Variants in PXDNL observed in about 807,000 individuals in gnomAD.
PXDNL encodes probable oxidoreductase PXDNL.
A neutral mutation model predicts 150.8 loss-of-function variants in PXDNL; 145 were observed. That is an observed-to-expected ratio of 0.96 (90% CI 0.84 to 1.10). The LOEUF (loss-of-function observed/expected upper bound fraction) is 1.10. Among genes scored for constraint, PXDNL ranks in the 50% least tolerant of loss-of-function variants. The pLI is 0.00. For synonymous variants in PXDNL, 757 were observed against 725.7 expected (o/e 1.04, Z -0.69); for missense variants, 2,087 against 1,873.9 (o/e 1.11, Z -2.10).
At chr8:51,354,677 A>G (rs1328240799) in intron 19 of PXDNL, among the ~76,000 whole-genome samples, 1 of 152,094 alleles carries the variant, frequency 6.6e-6, no homozygotes, top group East Asian at 1.9e-4. Flanking sequence ...TAGTATTAAG[A>G]AACCATTTTC....
intron 1 of PXDNL, among the ~76,000 whole-genome samples, chr8:51,790,500 C>A (rs1255104758): frequency 1.3e-5 from 2 of 152,186 alleles, no homozygotes; most frequent in Non-Finnish European, 2.9e-5. Flanking sequence ...AAGACGAGGT[C>A]CTGAGTTGCA....
intron 1 of PXDNL, among the ~76,000 whole-genome samples, chr8:51,726,832 A>G (rs1163846692): frequency 1.3e-5 from 2 of 152,218 alleles, no homozygotes; most frequent in Non-Finnish European, 2.9e-5. Context: ...GTTTAATTTC[A>G]TTTATCACCA....
chr8:51,764,379 G>GTT (rs56742838), intron 1 of PXDNL, among the ~76,000 whole-genome samples: 7,410 of 129,108 alleles, frequency 0.057, 258 homozygotes, highest in Middle Eastern at 0.13. Context: ...TCTTTTTCTA[G>GTT]TTTTTTTTTT....
intron 12 of PXDNL, among the ~76,000 whole-genome samples, chr8:51,434,756 T>A (rs1809349198): frequency 6.6e-6 from 1 of 152,158 alleles, no homozygotes; most frequent in South Asian, 2.1e-4. Context: ...TCATGAGCAT[T>A]TATTAGATGA....
intron 1 of PXDNL, among the ~76,000 whole-genome samples, chr8:51,658,106 G>A (rs1439717964): frequency 6.6e-6 from 1 of 152,074 alleles, no homozygotes; most frequent in Non-Finnish European, 1.5e-5. Context: ...CACTTTGGGA[G>A]GCTGAGGCAG....
In PXDNL at chr8:51,559,330, ACCCCC is replaced by A. The variant is rs59230172; in HGVS notation, c.309-2424_309-2420del. Among the ~76,000 whole-genome samples the A allele has an allele frequency of 1.0e-3, 99 of 98,146 alleles. 1 individual carries two copies. Among genetic ancestry groups the A allele is most frequent in the African/African-American group, 2.8e-3 (95 of 34,428 alleles). The allele number at this position is 98,146 out of a possible 152,430, so 64.4% of individuals were successfully genotyped here. On this transcript the variant is annotated intron_variant, in intron 3 of 22. Coordinates refer to ENST00000356297, the MANE Select transcript of PXDNL (RefSeq NM_144651.5). ...TTTGGCTTATTTTTGTTTCTTCCAAACCCCCCCCCCCCCCGCCACCTTCTTTCCTG... is the reference window on the plus strand; with the variant it reads ...TTTGGCTTATTTTTGTTTCTTCCAAACCCCCCCCCGCCACCTTCTTTCCTG...
chr8:51,779,739 G>A (rs2129248225), intron 1 of PXDNL, among the ~76,000 whole-genome samples: 1 of 152,354 alleles, frequency 6.6e-6, no homozygotes, highest in East Asian at 1.9e-4. Context: ...ATAGTTGGCT[G>A]TCTTCATCCC....
At chr8:51,671,522 A>T (rs1434298952) in intron 1 of PXDNL, among the ~76,000 whole-genome samples, 3 of 152,218 alleles carry the variant, frequency 2.0e-5, no homozygotes, top group African/African-American at 7.2e-5. Context: ...AAAATTAAAC[A>T]TTCTACCACC....
chr8:51,662,595 A>C (rs1815299813), intron 1 of PXDNL, among the ~76,000 whole-genome samples: 2 of 152,248 alleles, frequency 1.3e-5, no homozygotes, highest in South Asian at 4.1e-4. Flanking sequence ...AACTATTTGC[A>C]CAGCACTTAC....
rs1231105861 is a variant in PXDNL, at chr8:51,374,601, C to G, written c.3688G>C (p.Asp1230His). Reference sequence around the variant, plus strand: ...GTATAACAGATAATCATTCACCTATCTCCATCTCTTAGCCGCTGAAACTGG... The same window carrying G: ...GTATAACAGATAATCATTCACCTATGTCCATCTCTTAGCCGCTGAAACTGG... ...VTQFQRLRDG[D>H]RFWYENPGVF... is the part of the protein sequence containing the mutation. Residue 1230 changes from aspartate to histidine, a missense_variant, in exon 18 of 23, where the codon GAT becomes CAT. Asp to His is a moderately conservative substitution (Grantham distance 81). Coordinates refer to ENST00000356297, the MANE Select transcript of PXDNL (RefSeq NM_144651.5). 6.2e-7 allele frequency: 1 copy of G among 1,613,906 alleles called. No homozygotes were observed. Among genetic ancestry groups the G allele is most frequent in the Non-Finnish European group, 8.5e-7 (1 of 1,179,858 alleles).
intron 9 of PXDNL, among the ~76,000 whole-genome samples, chr8:51,455,022 T>C (rs1322408105): frequency 8.7e-6 from 1 of 115,386 alleles, no homozygotes; most frequent in Non-Finnish European, 1.7e-5. Flanking sequence ...GGCAGGAGAA[T>C]GGCGTGAACC....
intron 2 of PXDNL, among the ~76,000 whole-genome samples, chr8:51,638,509 T>C (rs1814659787): frequency 6.6e-6 from 1 of 152,060 alleles, no homozygotes; most frequent in South Asian, 2.1e-4. Flanking sequence ...GAGGAAGATC[T>C]ACCAAGCAAA....
In PXDNL at chr8:51,408,372, C is replaced by A; in HGVS notation, c.3252G>T (p.Ala1084=). The change falls in exon 17 of 23, where the codon GCG becomes GCT. Residue 1084 remains alanine, a synonymous_variant. Transcript: ENST00000356297. ...TGATTATTCTGGACGGTGAAAAGAG[C>A]GCTTTATGGAACGGAAGGTGGCCTT... is the stretch of plus-strand genomic sequence containing the variant. ...ISEGHLPFHK[A]LFSPSRIIKE... 1 of 1,614,002 alleles carries A rather than the reference C, an allele frequency of 6.2e-7. No homozygotes were observed. Among genetic ancestry groups the A allele is most frequent in the Non-Finnish European group, 8.5e-7 (1 of 1,179,892 alleles).
chr8:51,797,053 G>A (rs947787865), intron 1 of PXDNL, among the ~76,000 whole-genome samples: 1 of 152,062 alleles, frequency 6.6e-6, no homozygotes, highest in African/African-American at 2.4e-5. Flanking sequence ...CATCACATAA[G>A]CAGAACTAAA....
intron 14 of PXDNL, among the ~76,000 whole-genome samples, chr8:51,416,359 TG>T (rs1808800405): frequency 6.6e-6 from 1 of 152,238 alleles, no homozygotes; most frequent in Admixed American, 6.5e-5. Context: ...ATTTAATATG[TG>T]AATGTGAATT....
chr8:51,332,275 G>T (rs1188976276), intron 21 of PXDNL, among the ~76,000 whole-genome samples: 1 of 152,168 alleles, frequency 6.6e-6, no homozygotes, highest in Non-Finnish European at 1.5e-5. Context: ...ATGGGAAAAG[G>T]GGGTGAGTAC....
intron 1 of PXDNL, among the ~76,000 whole-genome samples, chr8:51,793,403 G>T (rs1371249231): frequency 6.6e-6 from 1 of 152,130 alleles, no homozygotes; most frequent in East Asian, 1.9e-4. Flanking sequence ...AAAAATGCTG[G>T]TAATTCAAAA....
At chr8:51,766,612 G>A (rs1246457949) in intron 1 of PXDNL, among the ~76,000 whole-genome samples, 2 of 152,002 alleles carry the variant, frequency 1.3e-5, no homozygotes, top group Non-Finnish European at 2.9e-5. Context: ...ATATGCAATT[G>A]TTGTTTGACA....
At chr8:51,637,586 G>A (rs777313592) in intron 2 of PXDNL, among the ~76,000 whole-genome samples, 17 of 152,262 alleles carry the variant, frequency 1.1e-4, no homozygotes, top group Admixed American at 2.6e-4. Flanking sequence ...CTATCAACCG[G>A]AAGAAAGGGT....
Sources: allele counts gnomAD v4.1 joint callset (sites outside exome capture counted in the v4.1 genomes callset), GRCh38; gene constraint gnomAD v4.1.1; transcripts MANE v1.5; gene names NCBI Gene and HGNC (gene_info 2026-07-23, HGNC 2026-07-21).